The following DROSHA variants were observed in gnomAD, a reference collection of about 807,000 sequenced individuals.
The protein encoded by DROSHA is drosha ribonuclease III.
DROSHA carries 56 observed loss-of-function variants against 181.9 expected under a neutral mutation model. The observed-to-expected ratio is 0.31, with a 90% confidence interval of 0.25 to 0.38. The LOEUF (loss-of-function observed/expected upper bound fraction) is 0.38. Ranked by LOEUF, DROSHA falls within the 10% of genes least tolerant of loss-of-function variation. DROSHA has a pLI of 1.00. For missense variants in DROSHA, 1,218 were observed against 1,743.5 expected (o/e 0.70, Z 5.37); for synonymous variants, 524 against 591.2 (o/e 0.89, Z 1.65).
Position 31,526,209 on chromosome 5 carries a change from C to A in DROSHA, c.724G>T (p.Glu242Ter). The A allele has an allele frequency of 6.2e-7, 1 of 1,613,866 alleles. No individual in the cohort carries two copies. The highest frequency in any genetic ancestry group is 8.5e-7 in the Non-Finnish European group (1 of 1,179,876). ...CGCCGATCCAGGGACCGATGCCTCT[C>A]ACCTCGCCCATGACTGTGATCTCGG... ...RHRDHSHGRGERHRSLDRRER... is the reference protein window; with the variant it reads ...RHRDHSHGRG The change falls in exon 5 of 36, where the codon GAG (glutamate) becomes TAG (stop). Residue 242 changes from glutamate (E) to a stop codon, truncating the protein, a stop_gained. Coordinates refer to ENST00000344624, the MANE Select transcript of DROSHA (RefSeq NM_001382508.1). LOFTEE classifies it high-confidence loss of function.
intron 16 of DROSHA, among the ~76,000 whole-genome samples, chr5:31,476,163 G>A (rs367725947): frequency 7.9e-5 from 12 of 152,140 alleles, no homozygotes; most frequent in South Asian, 6.2e-4. Flanking sequence ...TCAGGAGTTC[G>A]AGACCACCCT....
chr5:31,501,896 T>C (rs900253415), intron 11 of DROSHA, among the ~76,000 whole-genome samples: 16 of 152,096 alleles, frequency 1.1e-4, no homozygotes, highest in African/African-American at 3.6e-4. Context: ...CCTCTGACAT[T>C]ACGATGATCA....
chr5:31,522,734 T>C (rs1425596270), intron 5 of DROSHA, among the ~76,000 whole-genome samples: 1 of 152,194 alleles, frequency 6.6e-6, no homozygotes, highest in African/African-American at 2.4e-5. Context: ...CCATGAGAAT[T>C]CTTGCGTGGT....
chr5:31,458,232 G>C (rs1389491624), intron 20 of DROSHA, among the ~76,000 whole-genome samples: 1 of 152,056 alleles, frequency 6.6e-6, no homozygotes, highest in Non-Finnish European at 1.5e-5. Flanking sequence ...CTGGGTTTAC[G>C]GGTTTACTGG....
chr5:31,416,875 T>C (rs999583180), intron 30 of DROSHA, among the ~76,000 whole-genome samples: 1 of 152,162 alleles, frequency 6.6e-6, no homozygotes, highest in Non-Finnish European at 1.5e-5. Flanking sequence ...AGGATGATCA[T>C]TCAGTCAAAG....
chr5:31,521,817 G>T (rs1739927101), intron 5 of DROSHA, among the ~76,000 whole-genome samples: 3 of 151,960 alleles, frequency 2.0e-5, no homozygotes, highest in Admixed American at 2.0e-4. Context: ...AAATAGATGA[G>T]GAATTTTTAA....
intron 23 of DROSHA, among the ~76,000 whole-genome samples, chr5:31,445,883 C>T (rs1401674788): frequency 1.3e-5 from 2 of 152,144 alleles, no homozygotes; most frequent in African/African-American, 2.4e-5. Flanking sequence ...AAGATCTGCT[C>T]TCAATACTTC....
chr5:31,495,523 C>CCA (rs1752884120), intron 11 of DROSHA, among the ~76,000 whole-genome samples, 151 bp from the exon 12 acceptor site: 1 of 152,220 alleles, frequency 6.6e-6, no homozygotes, highest in Non-Finnish European at 1.5e-5. Flanking sequence ...TTGGCTTTGC[C>CCA]ATACCTAGAC....
chr5:31,518,072 T>C (rs1434770037), intron 6 of DROSHA, among the ~76,000 whole-genome samples: 4 of 152,264 alleles, frequency 2.6e-5, no homozygotes, highest in Non-Finnish European at 4.4e-5. Flanking sequence ...TACACAAACT[T>C]AGATGGTATA....
At chr5:31,499,058 T>C (rs1334708560) in intron 11 of DROSHA, among the ~76,000 whole-genome samples, 1 of 152,034 alleles carries the variant, frequency 6.6e-6, no homozygotes, top group African/African-American at 2.4e-5. Context: ...TCCTTCAGGA[T>C]CTCTCTCCAC....
At chr5:31,517,045 T>A (rs946296197) in intron 6 of DROSHA, among the ~76,000 whole-genome samples, 2 of 152,208 alleles carry the variant, frequency 1.3e-5, no homozygotes, top group Non-Finnish European at 2.9e-5. Flanking sequence ...CCTGTCACTA[T>A]GGTTATTTTT....
chr5:31,453,959 A>C (rs890070940), intron 20 of DROSHA, among the ~76,000 whole-genome samples: 1 of 151,748 alleles, frequency 6.6e-6, no homozygotes, highest in East Asian at 1.9e-4. Flanking sequence ...AAATTCTCCC[A>C]TAAAAATAGA....
At position 31,526,726 on chromosome 5, in the gene DROSHA, G is replaced by C; in HGVS notation, c.207C>G (p.Pro69=). The C allele has an allele frequency of 6.4e-7, 1 of 1,562,234 alleles. No individual in the cohort carries two copies. The change falls in exon 5 of 36, where the codon CCC becomes CCG. Residue 69 remains proline, a synonymous_variant. Coordinates refer to ENST00000344624, the MANE Select transcript of DROSHA (RefSeq NM_001382508.1). Reference sequence around the variant, plus strand: ...AGTCTGGTCGTGGAGGGAGAAAATTGGGGGCTGGAGAGTTTGAGAAAGTGG... The same window carrying C: ...AGTCTGGTCGTGGAGGGAGAAAATTCGGGGCTGGAGAGTTTGAGAAAGTGG... ...PSTTFSNSPA[P]NFLPPRPDFV...
At chr5:31,462,655 C>T (rs1748536750) in intron 20 of DROSHA, among the ~76,000 whole-genome samples, 1 of 137,580 alleles carries the variant, frequency 7.3e-6, no homozygotes, top group Non-Finnish European at 1.6e-5. Flanking sequence ...AAAAAAAAGG[C>T]TCAATGCTTC....
Position 31,487,013 on chromosome 5 carries a change from A to G in DROSHA, c.1843-451T>C, listed in dbSNP as rs369491791. Among the ~76,000 whole-genome samples the G allele has an allele frequency of 3.3e-5, 5 of 152,370 alleles. No homozygotes were observed. The East Asian group carries it at 7.7e-4, about 23-fold the overall frequency. The stretch of plus-strand genomic sequence containing the variant: ...TGAAAACACCCAATTCATGCTGCCC[A>G]TCTGGCTCTTAAGCAAAGGCAATTG... On this transcript the variant is annotated intron_variant, in intron 13 of 35. Coordinates refer to ENST00000344624, the MANE Select transcript of DROSHA (RefSeq NM_001382508.1).
chr5:31,526,588 A>G lies in DROSHA; in HGVS notation c.345T>C (p.Pro115=). 6.6e-7 allele frequency: 1 copy of G among 1,517,574 alleles called. No individual in the cohort carries two copies. The highest frequency in any genetic ancestry group is 8.8e-7 in the Non-Finnish European group (1 of 1,137,008). The allele number at this position is 1,517,574 out of a possible 1,614,324, so 94.0% of individuals were successfully genotyped here. The change falls in exon 5 of 36, where the codon CCT becomes CCC. Residue 115 remains proline (P), a synonymous_variant. Coordinates refer to ENST00000344624, the MANE Select transcript of DROSHA (RefSeq NM_001382508.1). The stretch of plus-strand genomic sequence containing the variant: ...TTGGTGGTGGCATGGGAGGAAAACA[A>G]GGAGGAACTGGGAAGGGGTGCCTCA... The part of the protein sequence containing the change: ...HQMRHPFPVP[P]CFPPMPPPMP...
Position 31,409,261 on chromosome 5 carries a change from GA to G in DROSHA, c.3738del (p.Pro1247HisfsTer3). On this transcript the variant is annotated frameshift_variant, in exon 32 of 36. Coordinates refer to ENST00000344624, the MANE Select transcript of DROSHA (RefSeq NM_001382508.1). LOFTEE classifies it high-confidence loss of function. The surrounding 1 kb of genome is among the most constrained non-coding windows in gnomAD (Gnocchi z 4.0). ...YVHTFMNVCF[F>X]PRLKEFILNQ... ...TTATATGAGCTTACTTTCAATCGTG[GA>G]AAGAAGCAGACATTCATGAAAGTAT... 1 of 1,596,014 alleles carries G rather than the reference GA, an allele frequency of 6.3e-7. No homozygotes were observed. The highest frequency in any genetic ancestry group is 1.1e-5 in the South Asian group (1 of 88,130).
At position 31,475,773 on chromosome 5, in the gene DROSHA, A is replaced by C. The variant is rs58175745; in HGVS notation, c.2072-3541T>G. Among the ~76,000 whole-genome samples the C allele has an allele frequency of 4.2e-3, 633 of 152,296 alleles. 8 individuals are homozygous for C. Among genetic ancestry groups the C allele is most frequent in the African/African-American group, 0.015 (610 of 41,570 alleles). ...TGTGTAAGAATTAGAAAAAAGATTCATATTTTCATGGAGGGAGAGGAGGAT... is the reference window on the plus strand; with the variant it reads ...TGTGTAAGAATTAGAAAAAAGATTCCTATTTTCATGGAGGGAGAGGAGGAT... On this transcript the variant is annotated intron_variant, in intron 16 of 35. Coordinates refer to ENST00000344624, the MANE Select transcript of DROSHA (RefSeq NM_001382508.1).
chr5:31,525,460 C>T (rs577245625), intron 5 of DROSHA, among the ~76,000 whole-genome samples: 248 of 143,278 alleles, frequency 1.7e-3, no homozygotes, highest in African/African-American at 5.8e-3. Flanking sequence ...GCTGAGATCT[C>T]GCCATTGCAC....
Sources: allele counts gnomAD v4.1 joint callset (sites outside exome capture counted in the v4.1 genomes callset), GRCh38; gene constraint gnomAD v4.1.1; non-coding constraint Gnocchi (gnomAD v3.1); transcripts MANE v1.5; gene names NCBI Gene and HGNC (gene_info 2026-07-23, HGNC 2026-07-21).